DPF3: variants seen among roughly 807,000 people sequenced by gnomAD.
DPF3 encodes double PHD fingers 3.
DPF3 carries 18 observed loss-of-function variants against 56.8 expected under a neutral mutation model. The observed-to-expected ratio is 0.32, with a 90% CI of 0.22 to 0.47. The LOEUF is 0.47. DPF3 is among the 20% of genes least tolerant of loss of function. The pLI, the probability that DPF3 is intolerant of heterozygous loss-of-function variation, is 1.00. For synonymous variants in DPF3, 188 were observed against 180.2 expected, an observed-to-expected ratio of 1.04 and a Z score of -0.35; for missense variants, 403 against 488.8, an observed-to-expected ratio of 0.82 and a Z score of 1.65.
chr14:72,854,281 G>A (rs56161344), intron 1 of DPF3, among the ~76,000 whole-genome samples: 6,038 of 148,784 alleles, frequency 0.041, 347 homozygotes, highest in African/African-American at 0.13. Context: ...GCTTGAACCC[G>A]GGAGGTGGAG....
rs993414050 is a variant in DPF3, at chr14:72,712,121, C to T, written c.604+2302G>A. On this transcript the variant is annotated intron_variant, in intron 6 of 10. Coordinates refer to ENST00000556509, the MANE Select transcript of DPF3 (RefSeq NM_001280542.3). ...AGAGGGAGAGGAGGCAGCACGCATGCGGACAGAGCCAAGAAAGCAGCCGCT... is the reference window on the plus strand; with the variant it reads ...AGAGGGAGAGGAGGCAGCACGCATGTGGACAGAGCCAAGAAAGCAGCCGCT... 7.3e-5 allele frequency among the ~76,000 whole-genome samples: 11 copies of T among 151,710 alleles called. No individual in the cohort carries two copies. In the East Asian group the frequency reaches 9.8e-4, roughly 13 times the overall value.
chr14:72,783,487 C>A (rs1331080971), intron 1 of DPF3, among the ~76,000 whole-genome samples: 2 of 152,130 alleles, frequency 1.3e-5, no homozygotes, highest in South Asian at 2.1e-4. Flanking sequence ...TGGCAGGAGA[C>A]CCCCAGCACA....
At chr14:72,799,393 G>A (rs1892775527) in intron 1 of DPF3, among the ~76,000 whole-genome samples, 1 of 152,130 alleles carries the variant, frequency 6.6e-6, no homozygotes, top group African/African-American at 2.4e-5. Context: ...AGCCAGCCAT[G>A]GTGACTCACA....
In DPF3 at chr14:72,611,687, T is replaced by A. The variant is rs1883736446; in HGVS notation, c.*7610A>T. Among the ~76,000 whole-genome samples the A allele has an allele frequency of 6.6e-6, 1 of 152,132 alleles. No homozygotes were observed. Among genetic ancestry groups the A allele is most frequent in the African/African-American group, 2.4e-5 (1 of 41,420 alleles). ...ACACACTCCAGGCCAGGTGACTTCA[T>A]CAGTTCACCAGTTTTAATGCTGAGG... is the stretch of plus-strand genomic sequence containing the variant. On this transcript the variant is annotated 3_prime_UTR_variant, in exon 11 of 11. Coordinates refer to ENST00000556509, the MANE Select transcript of DPF3 (RefSeq NM_001280542.3).
chr14:72,722,413 TG>T (rs1261673799), intron 5 of DPF3, among the ~76,000 whole-genome samples: 1 of 152,328 alleles, frequency 6.6e-6, no homozygotes, highest in East Asian at 1.9e-4. Flanking sequence ...AGCGGCCGCC[TG>T]GGAACTTGCT....
chr14:72,611,499 G>A lies in DPF3; in HGVS notation c.*7798C>T, dbSNP rs1220949097. Among the ~76,000 whole-genome samples the A allele has an allele frequency of 6.6e-6, 1 of 152,062 alleles. No homozygotes were observed. The highest frequency in any genetic ancestry group is 1.5e-5 in the Non-Finnish European group (1 of 68,030). On this transcript the variant is annotated 3_prime_UTR_variant, in exon 11 of 11. Transcript: ENST00000556509. Reference sequence around the variant, plus strand: ...GGGTCTGGTGGAGTGTGCCCAATCTGTACTTGAAGCCCCCACCCCCCCAGT... The same window carrying A: ...GGGTCTGGTGGAGTGTGCCCAATCTATACTTGAAGCCCCCACCCCCCCAGT...
At chr14:72,659,761 A>T (rs561200770) in intron 8 of DPF3, among the ~76,000 whole-genome samples, 14 of 152,352 alleles carry the variant, frequency 9.2e-5, no homozygotes, top group South Asian at 8.3e-4. Context: ...TCACTATAGG[A>T]AGTGGGTGAT....
intron 1 of DPF3, among the ~76,000 whole-genome samples, chr14:72,870,173 A>G (rs1885841616): frequency 6.6e-6 from 1 of 152,114 alleles, no homozygotes; most frequent in African/African-American, 2.4e-5. Context: ...TGTGCTGGGA[A>G]CTCACATACA....
At chr14:72,847,567 A>G (rs1164464503) in intron 1 of DPF3, among the ~76,000 whole-genome samples, 1 of 152,062 alleles carries the variant, frequency 6.6e-6, no homozygotes, top group African/African-American at 2.4e-5. Flanking sequence ...GCTGGAGTGC[A>G]GTGGCTCAAT....
At position 72,729,904 on chromosome 14, in the gene DPF3, G is replaced by A. The variant is rs114061378; in HGVS notation, c.429+1903C>T. On this transcript the variant is annotated intron_variant, in intron 4 of 10. Transcript: ENST00000556509. ...GAATGCACAACGCCAAGAGTGAACC[G>A]TCATGCAGACTTTGAACATTGGGTG... Among the ~76,000 whole-genome samples, 650 of 152,216 alleles carry A rather than the reference G, an allele frequency of 4.3e-3. 3 individuals carry two copies. Among genetic ancestry groups the A allele is most frequent in the African/African-American group, 0.015 (611 of 41,536 alleles).
At chr14:72,875,208 G>T (rs1240010508) in intron 1 of DPF3, among the ~76,000 whole-genome samples, 1 of 152,146 alleles carries the variant, frequency 6.6e-6, no homozygotes, top group African/African-American at 2.4e-5. Flanking sequence ...TGCAAGTTGA[G>T]ATTTGGGTGA....
At chr14:72,836,950 A>C (rs1438259821) in intron 1 of DPF3, among the ~76,000 whole-genome samples, 1 of 151,910 alleles carries the variant, frequency 6.6e-6, no homozygotes, top group East Asian at 1.9e-4. Flanking sequence ...GCTCACTGCA[A>C]CCTCCACCTC....
intron 1 of DPF3, among the ~76,000 whole-genome samples, chr14:72,861,959 A>G (rs547576069): frequency 6.6e-6 from 1 of 152,334 alleles, no homozygotes; most frequent in South Asian, 2.1e-4. Flanking sequence ...TATGTATTAT[A>G]TGCTTTCACC....
intron 1 of DPF3, among the ~76,000 whole-genome samples, chr14:72,777,965 C>T (rs562964951): frequency 2.6e-5 from 4 of 152,228 alleles, no homozygotes; most frequent in African/African-American, 7.2e-5. Flanking sequence ...AGGAGGTAAT[C>T]AGGTCAGGAG....
In DPF3 at chr14:72,610,408, A is replaced by G. The variant is rs192301173; in HGVS notation, c.*8889T>C. Among the ~76,000 whole-genome samples the G allele has an allele frequency of 2.0e-5, 3 of 152,286 alleles. No homozygotes were observed. The highest frequency in any genetic ancestry group is 2.9e-5 in the Non-Finnish European group (2 of 68,004). On this transcript the variant is annotated 3_prime_UTR_variant, in exon 11 of 11. Transcript: ENST00000556509. ...GAGGAATCCCAGCGTTCACAAATGGAGGCGCCCTCACCAAAGCCACTGGAC... is the reference window on the plus strand; with the variant it reads ...GAGGAATCCCAGCGTTCACAAATGGGGGCGCCCTCACCAAAGCCACTGGAC...
At chr14:72,623,284 T>C (rs1258980545) in intron 9 of DPF3, among the ~76,000 whole-genome samples, 1 of 151,998 alleles carries the variant, frequency 6.6e-6, no homozygotes. Flanking sequence ...TTTTACACAG[T>C]CATAAAACAA....
chr14:72,708,598 T>G (rs1190416130), intron 6 of DPF3, among the ~76,000 whole-genome samples: 1 of 152,192 alleles, frequency 6.6e-6, no homozygotes, highest in Admixed American at 6.5e-5. Flanking sequence ...CAAAAAAATT[T>G]TTTTCTTAGC....
chr14:72,863,100 ATG>A (rs1555514174), intron 1 of DPF3, among the ~76,000 whole-genome samples: 5 of 110,616 alleles, frequency 4.5e-5, no homozygotes, highest in South Asian at 3.1e-4. Flanking sequence ...ATATATATAT[ATG>A]TGTGTGTATA....
intron 8 of DPF3, chr14:72,670,550 G>A: frequency 9.1e-6 from 9 of 987,174 alleles, no homozygotes; most frequent in Non-Finnish European, 1.1e-5. Context: ...GCACAGAATA[G>A]TGCAACCGTC....
Sources: allele counts gnomAD v4.1 joint callset (sites outside exome capture counted in the v4.1 genomes callset), GRCh38; gene constraint gnomAD v4.1.1; transcripts MANE v1.5; gene names NCBI Gene and HGNC (gene_info 2026-07-23, HGNC 2026-07-21).